Variants in ASB4 observed in about 807,000 individuals in gnomAD.
The protein encoded by ASB4 is ankyrin repeat and SOCS box containing 4.
ASB4 carries 35 observed loss-of-function variants against 38.6 expected under a neutral mutation model. The observed-to-expected ratio is 0.91, with a 90% CI of 0.69 to 1.20. The LOEUF (loss-of-function observed/expected upper bound fraction) is 1.20, where lower values mean the gene tolerates loss of function less well. ASB4 is among the 50% of genes most tolerant of loss of function. The pLI, the probability that ASB4 is intolerant of heterozygous loss-of-function variation, is 0.00. For missense variants in ASB4, 557 were observed against 527.2 expected, an observed-to-expected ratio of 1.06 and a Z score of -0.55; for synonymous variants, 195 against 201.3, an observed-to-expected ratio of 0.97 and a Z score of 0.26.
chr7:95,516,009 C>T (rs1790579012), intron 2 of ASB4, among the ~76,000 whole-genome samples: 1 of 152,206 alleles, frequency 6.6e-6, no homozygotes, highest in East Asian at 1.9e-4. Context: ...GGGCCATTCA[C>T]CTCTACCCCT....
At chr7:95,526,167 C>T (rs1262504445) in intron 2 of ASB4, among the ~76,000 whole-genome samples, 2 of 152,080 alleles carry the variant, frequency 1.3e-5, no homozygotes, top group East Asian at 1.9e-4. Flanking sequence ...TAAGGAATTT[C>T]GAAGCCAGTC....
upstream of ASB4, among the ~76,000 whole-genome samples, chr7:95,476,186 C>T (rs182695316): frequency 3.1e-4 from 47 of 152,264 alleles, no homozygotes; most frequent in Admixed American, 2.6e-4. Context: ...ACACATCTGT[C>T]GGTCCCTACT....
At chr7:95,495,120 C>T (rs1790225292) in intron 1 of ASB4, among the ~76,000 whole-genome samples, 1 of 151,974 alleles carries the variant, frequency 6.6e-6, no homozygotes, top group Admixed American at 6.6e-5. Flanking sequence ...CCCTTATTTT[C>T]TAAATCGTTT....
chr7:95,540,234 T>C (rs191551498), downstream of ASB4: 1 of 152,342 alleles, frequency 6.6e-6, no homozygotes, highest in African/African-American at 2.4e-5. Flanking sequence ...TCTCCTTTCA[T>C]CTTTGTGTTT....
chr7:95,472,501 C>T, the ASB4 span, among the ~76,000 whole-genome samples: 1 of 152,120 alleles, frequency 6.6e-6, no homozygotes, highest in Non-Finnish European at 1.5e-5. Flanking sequence ...GTTCTATCTC[C>T]CTGTGATTCC....
chr7:95,509,613 G>T (rs1433844751), intron 2 of ASB4, among the ~76,000 whole-genome samples: 1 of 152,056 alleles, frequency 6.6e-6, no homozygotes, highest in Non-Finnish European at 1.5e-5. Context: ...TAATGAATAA[G>T]GATAAATGCT....
chr7:95,496,230 T>C, intron 2 of ASB4, 173 bp downstream of exon 2: 1 of 562,834 alleles, frequency 1.8e-6, no homozygotes, highest in Non-Finnish European at 3.1e-6. Flanking sequence ...TCAATGATGA[T>C]CACATTAAAA....
chr7:95,521,770 T>C (rs932908036), intron 2 of ASB4, among the ~76,000 whole-genome samples: 10 of 150,964 alleles, frequency 6.6e-5, no homozygotes, highest in African/African-American at 2.4e-4. Flanking sequence ...ATGTACGTAG[T>C]TTTTTAAAAC....
chr7:95,479,503 A>T (rs1171499197), intron 1 of ASB4, among the ~76,000 whole-genome samples: 1 of 152,204 alleles, frequency 6.6e-6, no homozygotes, highest in Non-Finnish European at 1.5e-5. Flanking sequence ...TCTTTATTAT[A>T]ATATTGTGGC....
At chr7:95,477,843 C>A (rs1436808577), upstream of ASB4, among the ~76,000 whole-genome samples, 2 of 149,332 alleles carry the variant, frequency 1.3e-5, no homozygotes, top group East Asian at 3.9e-4. Flanking sequence ...CTATGGTTTT[C>A]TGAAAATATG....
At position 95,497,031 on chromosome 7, in the gene ASB4, G is replaced by A. The variant is rs113180710; in HGVS notation, c.487+974G>A. ...AGGGCTACTATGACCAGAGTATCAT[G>A]GGTGTGGGGTAGGGTGGGAAGGACA... On this transcript the variant is annotated intron_variant, in intron 2 of 4. Transcript: ENST00000325885. Among the ~76,000 whole-genome samples, 160 of 152,204 alleles carry A rather than the reference G, an allele frequency of 1.1e-3. 1 individual carries two copies. Among genetic ancestry groups the A allele is most frequent in the African/African-American group, 3.6e-3 (149 of 41,534 alleles).
intron 2 of ASB4, among the ~76,000 whole-genome samples, chr7:95,509,809 TGTGAG>T (rs1193580024): frequency 6.6e-6 from 1 of 152,192 alleles, no homozygotes; most frequent in East Asian, 1.9e-4. Flanking sequence ...GCAACAACCA[TGTGAG>T]GTTGCACATT....
downstream of ASB4, chr7:95,543,545 A>C (rs1218460547): frequency 6.6e-6 from 1 of 152,312 alleles, no homozygotes; most frequent in East Asian, 1.9e-4. Context: ...ACTATGGACC[A>C]CGGAAGGCAG....
intron 2 of ASB4, among the ~76,000 whole-genome samples, chr7:95,518,538 G>A (rs1790617419): frequency 6.6e-6 from 1 of 152,190 alleles, no homozygotes. Context: ...CTTTACAACA[G>A]CATAATTAAG....
chr7:95,532,903 G>A (rs1386734718), intron 3 of ASB4, among the ~76,000 whole-genome samples: 1 of 152,182 alleles, frequency 6.6e-6, no homozygotes, highest in Admixed American at 6.5e-5. Context: ...TCTGTTTTCT[G>A]GGCTGGCAAG....
At chr7:95,504,440 C>T (rs1398319811) in intron 2 of ASB4, among the ~76,000 whole-genome samples, 1 of 152,116 alleles carries the variant, frequency 6.6e-6, no homozygotes, top group African/African-American at 2.4e-5. Context: ...ATAGATATGC[C>T]TGCTGGACAG....
chr7:95,529,494 G>A (rs934716103), intron 3 of ASB4, among the ~76,000 whole-genome samples: 2 of 152,222 alleles, frequency 1.3e-5, no homozygotes, highest in African/African-American at 2.4e-5. Context: ...GAATTTAAGG[G>A]TAGTGCCTTC....
chr7:95,533,601 T>C (rs7798235), intron 3 of ASB4, among the ~76,000 whole-genome samples: 45,683 of 152,078 alleles, frequency 0.3, 7,710 homozygotes, highest in East Asian at 0.69. Flanking sequence ...GCTTTCTTCA[T>C]TTGGTATCTT....
chr7:95,550,575 C>T, the ASB4 span, among the ~76,000 whole-genome samples: 2 of 152,146 alleles, frequency 1.3e-5, no homozygotes, highest in South Asian at 2.1e-4. Flanking sequence ...TGCTGGAGCT[C>T]GCTATACCTC....
Sources: gnomAD v4.1 joint callset for allele counts (sites outside exome capture counted in the v4.1 genomes callset) on GRCh38, gnomAD v4.1.1 for gene constraint, MANE v1.5 for transcripts, NCBI Gene and HGNC (gene_info 2026-07-23, HGNC 2026-07-21) for gene names.